The following DCLK1 variants were observed in gnomAD, a reference collection of about 807,000 sequenced individuals.
DCLK1 encodes serine/threonine-protein kinase DCLK1.
Under a neutral mutation model 86.2 loss-of-function variants are expected in DCLK1, and 16 were observed. That is an observed-to-expected ratio of 0.19 (90% CI 0.13 to 0.28). The LOEUF is 0.28. Among genes scored for constraint, DCLK1 ranks in the 10% least tolerant of loss-of-function variants. The pLI, the probability that DCLK1 is intolerant of heterozygous loss-of-function variation, is 1.00. For missense variants in DCLK1, 590 were observed against 940.2 expected (o/e 0.63, Z 4.87); for synonymous variants, 369 against 370.5 (o/e 1.00, Z 0.05).
intron 10 of DCLK1, among the ~76,000 whole-genome samples, chr13:35,826,558 A>G (rs371239096): frequency 0.039 from 992 of 25,224 alleles, 153 homozygotes; most frequent in Non-Finnish European, 0.075. Flanking sequence ...AAAGAAAGAA[A>G]GAAACAAGTC....
intron 3 of DCLK1, among the ~76,000 whole-genome samples, chr13:36,006,850 G>A (rs1438041701): frequency 6.6e-6 from 1 of 152,166 alleles, no homozygotes; most frequent in Non-Finnish European, 1.5e-5. Flanking sequence ...TCTGTAAGGT[G>A]GACTATGATA....
At chr13:36,086,452 CTT>C (rs66864823) in intron 3 of DCLK1, among the ~76,000 whole-genome samples, 1,435 of 141,054 alleles carry the variant, frequency 0.01, 15 homozygotes, top group African/African-American at 0.034. Context: ...TCCTCAACAG[CTT>C]TTTTTTTTTT....
intron 8 of DCLK1, among the ~76,000 whole-genome samples, chr13:35,832,512 G>T (rs752030718): frequency 6.6e-6 from 1 of 152,198 alleles, no homozygotes; most frequent in African/African-American, 2.4e-5. Context: ...GTATGGGGCT[G>T]TGTCTTGTCT....
At chr13:35,869,464 A>G (rs1416163741) in intron 5 of DCLK1, among the ~76,000 whole-genome samples, 1 of 152,208 alleles carries the variant, frequency 6.6e-6, no homozygotes, top group African/African-American at 2.4e-5. Context: ...AGGTATCTAA[A>G]AGGTCTGCTC....
intron 3 of DCLK1, among the ~76,000 whole-genome samples, chr13:36,103,399 T>A (rs1247630746): frequency 2.4e-5 from 3 of 123,340 alleles, no homozygotes; most frequent in South Asian, 2.8e-4. Context: ...ACAAGACACC[T>A]GTCTTAAAAA....
chr13:35,804,583 C>G (rs1240353404), intron 15 of DCLK1, among the ~76,000 whole-genome samples: 1 of 151,940 alleles, frequency 6.6e-6, no homozygotes, highest in East Asian at 1.9e-4. Context: ...CAGGTGCGCA[C>G]CACCACACCC....
At chr13:36,096,679 G>A (rs551072114) in intron 3 of DCLK1, among the ~76,000 whole-genome samples, 36 of 152,114 alleles carry the variant, frequency 2.4e-4, no homozygotes, top group Non-Finnish European at 4.6e-4. Context: ...TTTTAACTAT[G>A]AAATGCAAAA....
chr13:35,945,522 T>A lies in DCLK1; in HGVS notation c.823+1836A>T, dbSNP rs1302548794. 9.2e-5 allele frequency among the ~76,000 whole-genome samples: 14 copies of A among 152,276 alleles called. No homozygotes were observed. The East Asian group carries it at 2.7e-3, about 29-fold the overall frequency. ...TTGCTGGTTTGAAAAAGACATGTAT[T>A]CCAGGTCGAGTTTGACAGGCTGTTT... On this transcript the variant is annotated intron_variant, in intron 4 of 16. Coordinates refer to ENST00000360631, the MANE Select transcript of DCLK1 (RefSeq NM_001330071.2).
intron 3 of DCLK1, among the ~76,000 whole-genome samples, chr13:36,069,707 T>C (rs578069630): frequency 6.6e-6 from 1 of 152,326 alleles, no homozygotes; most frequent in South Asian, 2.1e-4. Context: ...ATCAGCCTTA[T>C]TTTTGTGTTG....
Position 35,981,227 on chromosome 13 carries a change from G to GT in DCLK1, c.724-33771dup, listed in dbSNP as rs148132582. The stretch of plus-strand genomic sequence containing the variant: ...ATAGAAGTGGAATAAAAAGTGTTTT[G>GT]TTTTTTTTTTGTGACAGGCTTATAT... On this transcript the variant is annotated intron_variant, in intron 3 of 16. Coordinates refer to ENST00000360631, the MANE Select transcript of DCLK1 (RefSeq NM_001330071.2). Among the ~76,000 whole-genome samples the GT allele has an allele frequency of 9.4e-3, 1,369 of 146,158 alleles. 10 individuals are homozygous for GT. The highest frequency in any genetic ancestry group is 0.024 in the African/African-American group (953 of 39,988).
intron 3 of DCLK1, among the ~76,000 whole-genome samples, chr13:35,995,373 T>TTAC (rs1380157405): frequency 1.3e-5 from 2 of 152,200 alleles, no homozygotes; most frequent in Non-Finnish European, 2.9e-5. Flanking sequence ...CTAGTTAGTA[T>TTAC]GGGGCAATAT....
At chr13:35,853,897 A>G (rs1025606521) in intron 6 of DCLK1, among the ~76,000 whole-genome samples, 1 of 152,194 alleles carries the variant, frequency 6.6e-6, no homozygotes, top group African/African-American at 2.4e-5. Context: ...CCATCCTGAA[A>G]GAAGCACTAA....
At chr13:35,874,969 G>A (rs1043852828) in intron 4 of DCLK1, among the ~76,000 whole-genome samples, 3 of 152,182 alleles carry the variant, frequency 2.0e-5, no homozygotes, top group African/African-American at 7.2e-5. Flanking sequence ...TTTTTATCAC[G>A]TGGCCACTAC....
At chr13:35,795,892 T>A (rs1593597285) in intron 15 of DCLK1, among the ~76,000 whole-genome samples, 2 of 120,766 alleles carry the variant, frequency 1.7e-5, no homozygotes, top group East Asian at 5.4e-4. Context: ...GCCATTGCAC[T>A]CCAGCCTGGG....
At chr13:35,805,387 T>C (rs11147587) in intron 15 of DCLK1, 36,898 of 273,246 alleles carry the variant, frequency 0.14, 4,020 homozygotes, top group African/African-American at 0.35. Context: ...ACCTCTGGTT[T>C]CCAGGGTCAA....
At chr13:36,018,758 C>G (rs1052292441) in intron 3 of DCLK1, among the ~76,000 whole-genome samples, 1 of 152,100 alleles carries the variant, frequency 6.6e-6, no homozygotes, top group Non-Finnish European at 1.5e-5. Flanking sequence ...AAAAGTGTAT[C>G]CCTTTCTCAT....
chr13:35,903,862 C>T (rs1874528214), intron 4 of DCLK1, among the ~76,000 whole-genome samples: 1 of 152,162 alleles, frequency 6.6e-6, no homozygotes, highest in African/African-American at 2.4e-5. Context: ...AAAAAAAGCC[C>T]TTAAGTTCAT....
At chr13:36,129,566 T>C (rs1285860060) in intron 1 of DCLK1, among the ~76,000 whole-genome samples, 1 of 152,222 alleles carries the variant, frequency 6.6e-6, no homozygotes, top group Non-Finnish European at 1.5e-5. Context: ...AAAATAGGTG[T>C]TCTTTCCCTC....
chr13:35,823,312 T>G (rs1231879071), intron 10 of DCLK1, among the ~76,000 whole-genome samples: 1 of 151,708 alleles, frequency 6.6e-6, no homozygotes, highest in Non-Finnish European at 1.5e-5. Context: ...TACTGCAAAC[T>G]GCACACTGAA....
Sources: gnomAD v4.1 joint callset for allele counts (sites outside exome capture counted in the v4.1 genomes callset) on GRCh38, gnomAD v4.1.1 for gene constraint, MANE v1.5 for transcripts, NCBI Gene and HGNC (gene_info 2026-07-23, HGNC 2026-07-21) for gene names.